The following FAM222B variants were observed in gnomAD, a reference collection of about 807,000 sequenced individuals.
FAM222B encodes the protein family with sequence similarity 222 member B, also known as protein FAM222B.
Under a neutral mutation model 38.0 loss-of-function variants are expected in FAM222B, and 12 were observed. The observed-to-expected ratio is 0.32, with a 90% CI of 0.20 to 0.51. The LOEUF (loss-of-function observed/expected upper bound fraction) is 0.51, where lower values mean the gene tolerates loss of function less well. Ranked by LOEUF, FAM222B falls within the 20% of genes least tolerant of loss-of-function variation. The pLI is 0.97. For synonymous variants in FAM222B, 329 were observed against 317.2 expected, an observed-to-expected ratio of 1.04 and a Z score of -0.40; for missense variants, 716 against 754.2, an observed-to-expected ratio of 0.95 and a Z score of 0.59.
At position 28,759,425 on chromosome 17, in the gene FAM222B, G is replaced by A. The variant is rs755435752; in HGVS notation, c.534C>T (p.Ile178=). 3 of 1,586,940 alleles carry A rather than the reference G, an allele frequency of 1.9e-6. No homozygotes were observed. The South Asian group carries it at 3.4e-5, about 18-fold the overall frequency. ...GGTGGGACAGTGCCTGGGGTGGCGG[G>A]ATACCCTGAGGGTGCTGCAGCGTCT... ...PPQTLQHPQG[I]PPPQALSHPQ... The change falls in exon 3 of 3, where the codon ATC becomes ATT. Residue 178 remains isoleucine (I), a synonymous_variant. Coordinates refer to ENST00000581407, the MANE Select transcript of FAM222B (RefSeq NM_001077498.3). The surrounding 1 kb of genome is among the most constrained non-coding windows in gnomAD (Gnocchi z 4.8).
chr17:28,810,945 C>G (rs2037730427), intron 1 of FAM222B, among the ~76,000 whole-genome samples: 1 of 152,058 alleles, frequency 6.6e-6, no homozygotes, highest in Non-Finnish European at 1.5e-5. Context: ...TAAGACAGCT[C>G]CAGTGTATCA....
At chr17:28,790,882 C>A (rs1344506864) in intron 1 of FAM222B, among the ~76,000 whole-genome samples, 4 of 9,320 alleles carry the variant, frequency 4.3e-4, no homozygotes, top group African/African-American at 1.4e-3. Context: ...CAAATTGTTT[C>A]ACTTTTTTTT....
At chr17:28,793,413 T>C (rs1962214426) in intron 1 of FAM222B, among the ~76,000 whole-genome samples, 2 of 152,194 alleles carry the variant, frequency 1.3e-5, no homozygotes, top group Admixed American at 1.3e-4. Flanking sequence ...AATGACATCA[T>C]AAACTTTATC....
chr17:28,799,329 G>A (rs1314818165), intron 1 of FAM222B, among the ~76,000 whole-genome samples: 27 of 128,722 alleles, frequency 2.1e-4, no homozygotes, highest in African/African-American at 2.7e-4. Context: ...ACCGAGTCTC[G>A]GTCTGTCGCC....
chr17:28,841,580 T>G (rs1438637358), intron 1 of FAM222B, among the ~76,000 whole-genome samples: 1 of 152,060 alleles, frequency 6.6e-6, no homozygotes, highest in African/African-American at 2.4e-5. Context: ...TTCACTACGT[T>G]GGCTAGGCTG....
chr17:28,808,248 G>C (rs1385774859), intron 1 of FAM222B, among the ~76,000 whole-genome samples: 1 of 152,180 alleles, frequency 6.6e-6, no homozygotes, highest in Non-Finnish European at 1.5e-5. Flanking sequence ...ACGTTGGAAA[G>C]CAACCCCACC....
rs1272397696 is a variant in FAM222B, at chr17:28,758,609, G to C, written c.1350C>G (p.Phe450Leu). ...GCAGAATGTTGTTCCACAGGGGTTG[G>C]AAGTAGTGACCATTGGGGTAGGCCA... is the stretch of plus-strand genomic sequence containing the variant. Reference protein sequence around the residue: ...APLAYPNGHYFQPLWNNILPT... With the variant: ...APLAYPNGHYLQPLWNNILPT... The change falls in exon 3 of 3, where the codon TTC becomes TTG. Residue 450 changes from phenylalanine to leucine, a missense_variant. Phe to Leu is a conservative substitution (Grantham distance 22, BLOSUM62 0). Coordinates refer to ENST00000581407, the MANE Select transcript of FAM222B (RefSeq NM_001077498.3). 6.2e-7 allele frequency: 1 copy of C among 1,611,400 alleles called. No individual in the cohort carries two copies. The highest frequency in any genetic ancestry group is 8.5e-7 in the Non-Finnish European group (1 of 1,179,870).
chr17:28,815,065 G>A lies in FAM222B; in HGVS notation c.-41+27617C>T, dbSNP rs1024486162. ...TGGGATTACAGGCATGAGCCACCAC[G>A]CCCAGCATCACAGCTATTTTTTAAA... On this transcript the variant is annotated intron_variant, in intron 1 of 2. Transcript: ENST00000581407. Among the ~76,000 whole-genome samples the A allele has an allele frequency of 5.9e-5, 9 of 152,000 alleles. No individual in the cohort carries two copies. The East Asian group carries it at 9.7e-4, about 16-fold the overall frequency.
chr17:28,836,871 G>C (rs967892573), intron 1 of FAM222B, among the ~76,000 whole-genome samples: 31 of 152,062 alleles, frequency 2.0e-4, no homozygotes, highest in Admixed American at 2.6e-4. Flanking sequence ...GGGCATAAGA[G>C]GGGTGGGCTC....
chr17:28,807,235 T>C (rs1567865644), intron 1 of FAM222B, among the ~76,000 whole-genome samples: 2 of 152,084 alleles, frequency 1.3e-5, no homozygotes, highest in Non-Finnish European at 2.9e-5. Context: ...AAGCTGGTCT[T>C]GAACTCCCGA....
intron 1 of FAM222B, among the ~76,000 whole-genome samples, chr17:28,830,331 C>CT (rs2038622699): frequency 6.6e-6 from 1 of 151,354 alleles, no homozygotes; most frequent in African/African-American, 2.4e-5. Context: ...CTGGCTAATT[C>CT]TTTGTTTTTT....
chr17:28,824,593 T>C (rs1392696579), intron 1 of FAM222B, among the ~76,000 whole-genome samples: 2 of 152,196 alleles, frequency 1.3e-5, no homozygotes, highest in Non-Finnish European at 2.9e-5. Flanking sequence ...CCATGATTCC[T>C]TATTACCTCA....
chr17:28,778,391 C>T (rs1339742793), intron 1 of FAM222B, among the ~76,000 whole-genome samples: 1 of 151,850 alleles, frequency 6.6e-6, no homozygotes, highest in Admixed American at 6.6e-5. Flanking sequence ...ATGATGGTTT[C>T]CTGCTTCGTT....
chr17:28,841,422 T>G (rs1412385941), intron 1 of FAM222B, among the ~76,000 whole-genome samples: 1 of 152,226 alleles, frequency 6.6e-6, no homozygotes, highest in Non-Finnish European at 1.5e-5. Context: ...TCACCCGAAC[T>G]GGAGTGCAAT....
intron 1 of FAM222B, among the ~76,000 whole-genome samples, chr17:28,849,934 TTAGCCAGGCGTGGTGGC>T (rs2039170283): frequency 6.6e-6 from 1 of 151,824 alleles, no homozygotes; most frequent in African/African-American, 2.4e-5. Context: ...ATACAAAAAA[TTAGCCAGGCGTGGTGGC>T]GCATGCCTGT....
intron 1 of FAM222B, among the ~76,000 whole-genome samples, chr17:28,790,883 ACTTTTTT>A (rs2036636392): frequency 2.2e-4 from 2 of 8,912 alleles, no homozygotes; most frequent in African/African-American, 1.1e-3. Flanking sequence ...AAATTGTTTC[ACTTTTTT>A]TTTTTTTTTT....
chr17:28,803,396 C>T (rs531151024), intron 1 of FAM222B, among the ~76,000 whole-genome samples: 160 of 152,194 alleles, frequency 1.1e-3, no homozygotes, highest in Middle Eastern at 3.4e-3. Flanking sequence ...ACCTCGAACT[C>T]CTGGGCTCAA....
intron 1 of FAM222B, among the ~76,000 whole-genome samples, chr17:28,818,922 T>C (rs2038123656): frequency 6.6e-6 from 1 of 152,226 alleles, no homozygotes; most frequent in Admixed American, 6.5e-5. Context: ...TCCCTTCTAG[T>C]GCCAAAGCCA....
intron 1 of FAM222B, among the ~76,000 whole-genome samples, chr17:28,836,061 C>G (rs2038836778): frequency 6.6e-6 from 1 of 151,906 alleles, no homozygotes; most frequent in Non-Finnish European, 1.5e-5. Context: ...ATGATCTCGG[C>G]TCACTGAGAC....
Sources: allele counts gnomAD v4.1 joint callset (sites outside exome capture counted in the v4.1 genomes callset), GRCh38; gene constraint gnomAD v4.1.1; non-coding constraint Gnocchi (gnomAD v3.1); transcripts MANE v1.5; gene names NCBI Gene and HGNC (gene_info 2026-07-23, HGNC 2026-07-21).